Variants in ZNF367 observed in about 807,000 individuals in gnomAD.
The protein encoded by ZNF367 is zinc finger protein 367.
ZNF367 carries 11 observed loss-of-function variants against 31.8 expected under a neutral mutation model. The observed-to-expected ratio is 0.35, with a 90% CI of 0.22 to 0.57. The LOEUF is 0.57. Ranked by LOEUF, ZNF367 falls within the 20% of genes least tolerant of loss-of-function variation. The pLI is 0.85. For synonymous variants in ZNF367, 199 were observed against 202.4 expected (o/e 0.98, Z 0.14); for missense variants, 353 against 484.1 (o/e 0.73, Z 2.54).
At chr9:96,399,833 A>G (rs967046835) in intron 1 of ZNF367, among the ~76,000 whole-genome samples, 2 of 152,052 alleles carry the variant, frequency 1.3e-5, no homozygotes, top group African/African-American at 2.4e-5. Flanking sequence ...AACAAAAAAC[A>G]AACAAACAAA....
chr9:96,409,853 G>A (rs1587748538), intron 1 of ZNF367, among the ~76,000 whole-genome samples: 1 of 152,138 alleles, frequency 6.6e-6, no homozygotes, highest in African/African-American at 2.4e-5. Flanking sequence ...GATTATTGCT[G>A]GTTATGGTCA....
chr9:96,407,074 C>G (rs1453216705), intron 1 of ZNF367, among the ~76,000 whole-genome samples: 2 of 147,764 alleles, frequency 1.4e-5, no homozygotes, highest in Non-Finnish European at 3.0e-5. Flanking sequence ...AATCCTAGCA[C>G]TTTGGGAGTC....
intron 1 of ZNF367, among the ~76,000 whole-genome samples, chr9:96,402,444 CTTTTTTT>C (rs1174997133): frequency 6.4e-4 from 42 of 66,084 alleles, no homozygotes; most frequent in South Asian, 6.4e-3. Flanking sequence ...TTCTTTCTTT[CTTTTTTT>C]TTTTTTTTTT....
chr9:96,410,561 C>CAAAA (rs35609930), intron 1 of ZNF367, among the ~76,000 whole-genome samples: 11 of 69,612 alleles, frequency 1.6e-4, no homozygotes, highest in South Asian at 1.2e-3. Context: ...GACTCCGTCT[C>CAAAA]AAAAAAAAAA....
intron 1 of ZNF367, among the ~76,000 whole-genome samples, chr9:96,399,372 A>G (rs1175185385): frequency 6.6e-6 from 1 of 152,008 alleles, no homozygotes; most frequent in Non-Finnish European, 1.5e-5. Flanking sequence ...GGTATTCAAA[A>G]AAGTCTGTCA....
intron 2 of ZNF367, among the ~76,000 whole-genome samples, chr9:96,397,145 C>T (rs562919180): frequency 1.5e-4 from 23 of 152,084 alleles, no homozygotes; most frequent in Non-Finnish European, 2.5e-4. Flanking sequence ...GTCACAGTGG[C>T]TACTGTATGG....
chr9:96,391,147 CAG>C (rs1430994487), intron 4 of ZNF367, among the ~76,000 whole-genome samples: 2 of 152,138 alleles, frequency 1.3e-5, no homozygotes, highest in Non-Finnish European at 2.9e-5. Context: ...CCAAACAAAA[CAG>C]AGTTTATTCC....
intron 1 of ZNF367, among the ~76,000 whole-genome samples, chr9:96,398,560 A>G (rs1243000747): frequency 6.6e-6 from 1 of 152,174 alleles, no homozygotes; most frequent in Non-Finnish European, 1.5e-5. Flanking sequence ...AAGGGACATC[A>G]GTAAAAATGG....
chr9:96,387,674 TC>T lies in ZNF367; in HGVS notation c.*562del, dbSNP rs1831421534. On this transcript the variant is annotated 3_prime_UTR_variant, in exon 5 of 5. Coordinates refer to ENST00000375256, the MANE Select transcript of ZNF367 (RefSeq NM_153695.4). ...TACCAAGAGCCTCAAATATCTATTT[TC>T]TTCTAAGTCCATTACTTAGAACATC... is the stretch of plus-strand genomic sequence containing the variant. 6.6e-6 allele frequency: 1 copy of T among 152,250 alleles called. No homozygotes were observed. Among genetic ancestry groups the T allele is most frequent in the African/African-American group, 2.4e-5 (1 of 41,466 alleles). The allele number at this position is 152,250 out of a possible 1,614,324, so 9.4% of individuals were successfully genotyped here.
At position 96,398,272 on chromosome 9, in the gene ZNF367, C is replaced by T. The variant is rs374182548; in HGVS notation, c.463G>A (p.Asp155Asn). 1.1e-4 allele frequency: 173 copies of T among 1,613,702 alleles called. 1 individual carries two copies. Among genetic ancestry groups the T allele is most frequent in the Middle Eastern group, 5.0e-4 (3 of 6,060 alleles). ...GAATGCTCTCCTTCATTTATTAAAT[C>T]GCGGACAGTATCTGCTCTGGGCCTA... Reference protein sequence around the residue: ...RGRPRADTVRDLINEGEHSSS... With the variant: ...RGRPRADTVRNLINEGEHSSS... Residue 155 changes from aspartate (D) to asparagine (N), a missense_variant, in exon 2 of 5, where the codon GAT (aspartate) becomes AAT (asparagine). Transcript: ENST00000375256.
In ZNF367 at chr9:96,417,942, G is replaced by T; in HGVS notation, c.91C>A (p.Leu31Met). Residue 31 changes from leucine to methionine, a missense_variant, in exon 1 of 5, where the codon CTG (leucine) becomes ATG (methionine). By Grantham distance (15) the Leu-to-Met change is conservative (BLOSUM62 2). This residue lies in a region of ZNF367 where 94 missense variants were observed against 86.7 expected (regional missense o/e 1.08). Transcript: ENST00000375256. This position sits in a 1 kb window ranked among gnomAD's most constrained non-coding sequence, Gnocchi z 5.0. ...IFCHDSPKRVLVSVIRTTPIK... is the reference protein window; with the variant it reads ...IFCHDSPKRVMVSVIRTTPIK... Reference sequence around the variant, plus strand: ...GGGGTCGTCCTGATGACCGACACCAGCACCCGCTTCGGGGAGTCGTGGCAG... The same window carrying T: ...GGGGTCGTCCTGATGACCGACACCATCACCCGCTTCGGGGAGTCGTGGCAG... 6.6e-7 allele frequency: 1 copy of T among 1,504,012 alleles called. No individual in the cohort carries two copies. The highest frequency in any genetic ancestry group is 8.8e-7 in the Non-Finnish European group (1 of 1,133,354). 93.2% of individuals were successfully genotyped at this position (1,504,012 alleles called of 1,614,324 possible). A position where few individuals can be genotyped will look rare whatever the true frequency, so the allele number is the denominator to read the frequency against.
chr9:96,414,406 T>A (rs1831791232), intron 1 of ZNF367, among the ~76,000 whole-genome samples: 1 of 152,226 alleles, frequency 6.6e-6, no homozygotes. Flanking sequence ...ACATGTTTTT[T>A]ACAACCGTTG....
chr9:96,406,281 C>A (rs759319447), intron 1 of ZNF367, among the ~76,000 whole-genome samples: 119 of 152,110 alleles, frequency 7.8e-4, no homozygotes, highest in Non-Finnish European at 6.6e-4. Flanking sequence ...AAACTCAAAG[C>A]CTTCCAAAAG....
chr9:96,394,023 G>A (rs966593906), intron 3 of ZNF367, among the ~76,000 whole-genome samples: 3 of 152,132 alleles, frequency 2.0e-5, no homozygotes, highest in East Asian at 1.9e-4. Flanking sequence ...TGCATCTTTA[G>A]AAACTGATAA....
In ZNF367 at chr9:96,407,197, G is replaced by T. The variant is rs1416491428; in HGVS notation, c.421-8883C>A. 4.3e-6 allele frequency: 3 copies of T among 704,948 alleles called. No individual in the cohort carries two copies. In the African/African-American group the frequency reaches 5.4e-5, roughly 13 times the overall value. The allele number at this position is 704,948 out of a possible 1,614,324, so 43.7% of individuals were successfully genotyped here. A position where few individuals can be genotyped will look rare whatever the true frequency, so the allele number is the denominator to read the frequency against. On this transcript the variant is annotated intron_variant, in intron 1 of 4. Coordinates refer to ENST00000375256, the MANE Select transcript of ZNF367 (RefSeq NM_153695.4). ...TAGCTTTCCTGTCCCGGCCTGCGTG[G>T]CGTGGGCTTGTGGGTCTTTGAGACC...
In ZNF367 at chr9:96,407,799, G is replaced by A. The variant is rs1466862980; in HGVS notation, c.421-9485C>T. 5.9e-6 allele frequency: 7 copies of A among 1,179,804 alleles called. No homozygotes were observed. In the East Asian group the frequency reaches 1.7e-4, roughly 28 times the overall value. 73.1% of individuals were successfully genotyped at this position (1,179,804 alleles called of 1,614,324 possible). A position where few individuals can be genotyped will look rare whatever the true frequency, so the allele number is the denominator to read the frequency against. On this transcript the variant is annotated intron_variant, in intron 1 of 4. Coordinates refer to ENST00000375256, the MANE Select transcript of ZNF367 (RefSeq NM_153695.4). ...AATATGAAAGATTCATCAGGCCAAT[G>A]AGACGGGGTTTCACCGTGTTAGCCA...
chr9:96,406,083 ACT>A (rs1342265658), intron 1 of ZNF367, among the ~76,000 whole-genome samples: 2 of 152,162 alleles, frequency 1.3e-5, no homozygotes, highest in Non-Finnish European at 2.9e-5. Context: ...GTTTATGGGA[ACT>A]CTCTGTACTA....
chr9:96,398,843 T>C (rs929112230), intron 1 of ZNF367, among the ~76,000 whole-genome samples: 1 of 152,208 alleles, frequency 6.6e-6, no homozygotes, highest in African/African-American at 2.4e-5. Flanking sequence ...GAAGAAATTC[T>C]GAAAGAATTG....
chr9:96,418,027 G>T lies in ZNF367; in HGVS notation c.6C>A (p.Ile2=). ...CCGCCATGGGCGCCTCGAAGCCCCG[G>T]ATCATCGCCCGGCCCGACCCCCAGC... M[I]RGFEAPMAEN... The change falls in exon 1 of 5, where the codon ATC becomes ATA. Residue 2 remains isoleucine, a synonymous_variant. Transcript: ENST00000375256. 3 of 1,373,720 alleles carry T rather than the reference G, an allele frequency of 2.2e-6. No homozygotes were observed. The South Asian group carries it at 5.0e-5, about 23-fold the overall frequency. 85.1% of individuals were successfully genotyped at this position (1,373,720 alleles called of 1,614,324 possible).
Sources: gnomAD v4.1 joint callset for allele counts (sites outside exome capture counted in the v4.1 genomes callset) on GRCh38, gnomAD v4.1.1 for gene constraint, gnomAD v4.1.1 regional missense constraint, Gnocchi (gnomAD v3.1) non-coding constraint, MANE v1.5 for transcripts, NCBI Gene and HGNC (gene_info 2026-07-23, HGNC 2026-07-21) for gene names.